The following FGFR2 variants were observed in gnomAD, a reference collection of about 807,000 sequenced individuals.
The protein encoded by FGFR2 is BEK fibroblast growth factor receptor.
FGFR2 carries 19 observed loss-of-function variants against 95.9 expected under a neutral mutation model. The observed-to-expected ratio is 0.20, with a 90% CI of 0.14 to 0.29. The LOEUF (loss-of-function observed/expected upper bound fraction) is 0.29, where lower values mean the gene tolerates loss of function less well. Ranked by LOEUF, FGFR2 falls within the 10% of genes least tolerant of loss-of-function variation. The pLI, the probability that FGFR2 is intolerant of heterozygous loss-of-function variation, is 1.00. For missense variants in FGFR2, 707 were observed against 1,056.9 expected (o/e 0.67, Z 4.59); for synonymous variants, 392 against 393.3 (o/e 1.00, Z 0.04).
chr10:121,516,092 G>C (rs1849672397), intron 8 of FGFR2, among the ~76,000 whole-genome samples: 1 of 151,860 alleles, frequency 6.6e-6, no homozygotes, highest in African/African-American at 2.4e-5. Context: ...ACTTAATTTA[G>C]CACATTTTTA....
At chr10:121,547,849 T>C (rs1854751817) in intron 5 of FGFR2, among the ~76,000 whole-genome samples, 1 of 152,040 alleles carries the variant, frequency 6.6e-6, no homozygotes, top group Non-Finnish European at 1.5e-5. Flanking sequence ...GAGCTCCCCA[T>C]GGGGGAGGCC....
At chr10:121,563,471 A>C (rs1857249312) in intron 4 of FGFR2, among the ~76,000 whole-genome samples, 1 of 152,194 alleles carries the variant, frequency 6.6e-6, no homozygotes, top group South Asian at 2.1e-4. Flanking sequence ...TTTTAAGAAA[A>C]ATGTAGAATA....
chr10:121,490,154 CTTTTTTTTTT>C (rs55633189), intron 13 of FGFR2, among the ~76,000 whole-genome samples: 42 of 79,990 alleles, frequency 5.3e-4, no homozygotes, highest in Non-Finnish European at 8.4e-4. Context: ...ACTTTTCCTT[CTTTTTTTTTT>C]TTTTTTTTTT....
Position 121,577,184 on chromosome 10 carries a change from G to T in FGFR2, c.110-11480C>A, listed in dbSNP as rs1392902142. ...ATATATATATATATATATATAGAGA[G>T]AGAGAGAGAGAGAGAGAGAGAGACA... On this transcript the variant is annotated intron_variant, in intron 2 of 17. Transcript: ENST00000358487. 3.7e-3 allele frequency among the ~76,000 whole-genome samples: 306 copies of T among 83,772 alleles called. 1 individual carries two copies. Among genetic ancestry groups the T allele is most frequent in the African/African-American group, 0.011 (220 of 19,328 alleles). The allele number at this position is 83,772 out of a possible 152,430, so 55.0% of individuals were successfully genotyped here. A position where few individuals can be genotyped will look rare whatever the true frequency, so the allele number is the denominator to read the frequency against.
chr10:121,581,575 CAAAA>C (rs67205229), intron 2 of FGFR2, among the ~76,000 whole-genome samples: 2 of 122,000 alleles, frequency 1.6e-5, no homozygotes, highest in Non-Finnish European at 1.7e-5. Context: ...CCATCTCTAC[CAAAA>C]AAAAAAAAAA....
At chr10:121,512,057 G>A (rs1283662376) in intron 9 of FGFR2, among the ~76,000 whole-genome samples, 1 of 152,090 alleles carries the variant, frequency 6.6e-6, no homozygotes, top group African/African-American at 2.4e-5. Flanking sequence ...GAAAGAGTCA[G>A]GGCCATGGAG....
chr10:121,483,868 T>A, intron 16 of FGFR2, 65 bp from the exon 17 acceptor site: 1 of 1,167,278 alleles, frequency 8.6e-7, no homozygotes, highest in South Asian at 1.3e-5. Flanking sequence ...TAGTCAGTTT[T>A]AATAGGCAAT....
chr10:121,483,776 A>G lies in FGFR2; in HGVS notation c.2223T>C (p.His741=), dbSNP rs1393563837. Residue 741 remains histidine (H), a synonymous_variant, in exon 17 of 18, where the codon CAT becomes CAC. Coordinates refer to ENST00000358487, the MANE Select transcript of FGFR2 (RefSeq NM_000141.5). ...ACGTTGGTCTCTGGGAGGGCACTGC[A>G]TGCCAACAGTCCCTCATCATCATGT... is the stretch of plus-strand genomic sequence containing the variant. The part of the protein sequence containing the change: ...ELYMMMRDCW[H]AVPSQRPTFK... The G allele has an allele frequency of 1.2e-6, 2 of 1,613,754 alleles. No individual in the cohort carries two copies. The highest frequency in any genetic ancestry group is 1.7e-6 in the Non-Finnish European group (2 of 1,179,870).
intron 13 of FGFR2, among the ~76,000 whole-genome samples, chr10:121,496,030 A>G (rs1441340807): frequency 6.6e-6 from 1 of 152,222 alleles, no homozygotes; most frequent in African/African-American, 2.4e-5. Flanking sequence ...CAAACGAGGC[A>G]AAATAAACGC....
intron 6 of FGFR2, among the ~76,000 whole-genome samples, chr10:121,525,942 C>T (rs1238208248): frequency 3.3e-5 from 5 of 152,098 alleles, no homozygotes; most frequent in Admixed American, 6.5e-5. Flanking sequence ...GTCTCCTGAG[C>T]ATTTCTCCCC....
intron 2 of FGFR2, among the ~76,000 whole-genome samples, chr10:121,583,978 C>A (rs1395182739): frequency 6.6e-6 from 1 of 152,014 alleles, no homozygotes; most frequent in Non-Finnish European, 1.5e-5. Flanking sequence ...GTACCTAGCA[C>A]AGAGTCCAAC....
At chr10:121,570,579 T>A (rs1249171771) in intron 2 of FGFR2, among the ~76,000 whole-genome samples, 1 of 152,236 alleles carries the variant, frequency 6.6e-6, no homozygotes, top group Admixed American at 6.5e-5. Context: ...TTTTCACCTT[T>A]CCTGTGCGAA....
intron 4 of FGFR2, among the ~76,000 whole-genome samples, chr10:121,556,434 TGG>T (rs1856166341): frequency 7.9e-6 from 1 of 126,690 alleles, no homozygotes; most frequent in African/African-American, 3.9e-5. Flanking sequence ...TCTCTCTCTC[TGG>T]AACCAAAAAA....
intron 2 of FGFR2, among the ~76,000 whole-genome samples, chr10:121,573,963 G>A (rs368973557): frequency 1.6e-4 from 25 of 152,270 alleles, no homozygotes; most frequent in East Asian, 1.3e-3. Context: ...TCGCTACATA[G>A]TCACTGCACA....
chr10:121,483,383 A>G (rs1306992856), intron 17 of FGFR2, among the ~76,000 whole-genome samples: 7 of 152,208 alleles, frequency 4.6e-5, no homozygotes, highest in Non-Finnish European at 8.8e-5. Flanking sequence ...CATGCACACC[A>G]AAATGCAAGT....
rs566155088 is a variant in FGFR2, at chr10:121,479,183, C to A, written c.*674G>T. On this transcript the variant is annotated 3_prime_UTR_variant, in exon 18 of 18. Coordinates refer to ENST00000358487, the MANE Select transcript of FGFR2 (RefSeq NM_000141.5). ...CTGCTGTGCTGCCTGCATAGAAATG[C>A]CACTTAAATTACAAAAAAAACTATA... 158 of 232,810 alleles carry A rather than the reference C, an allele frequency of 6.8e-4. 1 individual carries two copies. The South Asian group carries it at 0.01, about 15-fold the overall frequency. The allele number at this position is 232,810 out of a possible 1,614,324, so 14.4% of individuals were successfully genotyped here.
intron 13 of FGFR2, among the ~76,000 whole-genome samples, chr10:121,489,494 T>C (rs1412736650): frequency 6.6e-6 from 1 of 152,192 alleles, no homozygotes; most frequent in African/African-American, 2.4e-5. Context: ...AATTGTTCCA[T>C]TAAGTTTATG....
At chr10:121,528,789 T>C (rs1399342816) in intron 6 of FGFR2, among the ~76,000 whole-genome samples, 1 of 152,182 alleles carries the variant, frequency 6.6e-6, no homozygotes, top group Non-Finnish European at 1.5e-5. Context: ...AAGCCTTCAA[T>C]CCAAACGCCA....
intron 9 of FGFR2, among the ~76,000 whole-genome samples, chr10:121,506,272 C>T (rs1472955363): frequency 4.0e-5 from 6 of 149,562 alleles, no homozygotes; most frequent in East Asian, 2.0e-4. Flanking sequence ...GCAGGAGAAT[C>T]GCTTAAACCC....
Sources: gnomAD v4.1 joint callset for allele counts (sites outside exome capture counted in the v4.1 genomes callset) on GRCh38, gnomAD v4.1.1 for gene constraint, MANE v1.5 for transcripts, NCBI Gene and HGNC (gene_info 2026-07-23, HGNC 2026-07-21) for gene names.